KLRG1: variants seen among roughly 807,000 people sequenced by gnomAD.
KLRG1 encodes killer cell lectin like receptor G1.
In KLRG1, 16 loss-of-function variants were observed where a neutral mutation model predicts 21.8. The ratio of observed to expected loss-of-function variants is 0.73; its 90% CI spans 0.50 to 1.11. The LOEUF is 1.11. Ranked by LOEUF, KLRG1 falls within the 50% of genes most tolerant of loss-of-function variation. KLRG1 has a pLI of 0.00. For synonymous variants in KLRG1, 69 were observed against 75.9 expected (o/e 0.91, Z 0.47); for missense variants, 173 against 218.3 (o/e 0.79, Z 1.31).
At chr12:9,029,373 G>T in the KLRG1 span, among the ~76,000 whole-genome samples, 3 of 151,916 alleles carry the variant, frequency 2.0e-5, no homozygotes, top group East Asian at 3.9e-4. Context: ...GTGCCACCAG[G>T]CCTGGCTAAT....
At chr12:8,985,745 C>T (rs2080117), upstream of KLRG1, among the ~76,000 whole-genome samples, 52,723 of 152,020 alleles carry the variant, frequency 0.35, 10,568 homozygotes, top group South Asian at 0.44. Flanking sequence ...TCCATGCCCT[C>T]TCTGGGAAGG....
chr12:9,104,349 T>A, the KLRG1 span: 1 of 1,606,890 alleles, frequency 6.2e-7, no homozygotes, highest in African/African-American at 1.3e-5. Context: ...TTTCCTCTGA[T>A]GAATATGACT....
chr12:9,066,223 CT>C, the KLRG1 span: 1 of 152,374 alleles, frequency 6.6e-6, no homozygotes, highest in African/African-American at 2.4e-5. Context: ...ATGCCCCTTG[CT>C]CCCCACAGGG....
chr12:9,093,679 C>T, the KLRG1 span: 2 of 660,544 alleles, frequency 3.0e-6, no homozygotes, highest in Non-Finnish European at 4.7e-6. Context: ...AAAAACAAAT[C>T]GTCTGATGAA....
At chr12:9,145,341 A>G in the KLRG1 span, among the ~76,000 whole-genome samples, 7 of 151,450 alleles carry the variant, frequency 4.6e-5, no homozygotes, top group Non-Finnish European at 1.0e-4. Context: ...TGTAACTTTT[A>G]TAGACTTTTT....
At chr12:9,181,182 T>C in the KLRG1 span, 2 of 1,611,778 alleles carry the variant, frequency 1.2e-6, no homozygotes, top group East Asian at 2.2e-5. Flanking sequence ...ACTTCTGTGA[T>C]CTTGCAGTCA....
At chr12:9,096,941 T>TG in the KLRG1 span, among the ~76,000 whole-genome samples, 2 of 152,084 alleles carry the variant, frequency 1.3e-5, no homozygotes, top group Admixed American at 1.3e-4. Context: ...GTTGAATGAA[T>TG]GACCTACACT....
the KLRG1 span, chr12:9,076,785 T>G: frequency 1.2e-6 from 2 of 1,613,982 alleles, no homozygotes; most frequent in Non-Finnish European, 1.7e-6. Context: ...ATTAAGTGAC[T>G]TGAGTACTTC....
At chr12:9,189,080 A>G in the KLRG1 span, among the ~76,000 whole-genome samples, 1 of 152,240 alleles carries the variant, frequency 6.6e-6, no homozygotes, top group African/African-American at 2.4e-5. Flanking sequence ...GCCCAAAGCA[A>G]TTTATAGATT....
the KLRG1 span, among the ~76,000 whole-genome samples, chr12:9,087,767 G>T: frequency 3.3e-5 from 5 of 151,814 alleles, no homozygotes; most frequent in African/African-American, 1.2e-4. Flanking sequence ...AATTATAAAT[G>T]GTCAGTTTAC....
chr12:9,125,521 T>C, the KLRG1 span, among the ~76,000 whole-genome samples: 1 of 152,190 alleles, frequency 6.6e-6, no homozygotes, highest in East Asian at 1.9e-4. Context: ...TAATGATATA[T>C]TTTTAATCCA....
chr12:8,962,973 T>C (rs1343783392), intron 1 of KLRG1, among the ~76,000 whole-genome samples: 1 of 152,026 alleles, frequency 6.6e-6, no homozygotes, highest in East Asian at 1.9e-4. Flanking sequence ...AGAAGAAACA[T>C]GAAAAATTAT....
the KLRG1 span, among the ~76,000 whole-genome samples, chr12:9,018,423 A>G: frequency 1.6e-4 from 24 of 152,322 alleles, no homozygotes; most frequent in East Asian, 3.9e-3. Context: ...GGCATTAAAA[A>G]CAGATACATA....
chr12:8,999,725 A>G (rs1402655630), intron 3 of KLRG1, among the ~76,000 whole-genome samples: 1 of 152,160 alleles, frequency 6.6e-6, no homozygotes, highest in Non-Finnish European at 1.5e-5. Flanking sequence ...CAGTTTCCTC[A>G]TGTACAAAGT....
the KLRG1 span, chr12:9,067,657 T>C: frequency 1.4e-6 from 1 of 721,446 alleles, no homozygotes; most frequent in South Asian, 1.5e-5. Flanking sequence ...CTATTGGGAA[T>C]CATATGGAAA....
chr12:9,077,047 G>A, the KLRG1 span: 10 of 933,232 alleles, frequency 1.1e-5, no homozygotes, highest in Admixed American at 5.1e-5. Flanking sequence ...TTTTTCCAAC[G>A]ATTCCTCATT....
Position 9,009,744 on chromosome 12 carries a change from T to C in KLRG1, c.*207T>C. 1 of 1,418,316 alleles carries C rather than the reference T, an allele frequency of 7.1e-7. No individual in the cohort carries two copies. The highest frequency in any genetic ancestry group is 1.6e-5 in the South Asian group (1 of 63,116). The allele number at this position is 1,418,316 out of a possible 1,614,324, so 87.9% of individuals were successfully genotyped here. Reference sequence around the variant, plus strand: ...GACTATTTAGATATTATGTGAGCAATTTAAAGACCAGATCTAAGCAAATTT... The same window carrying C: ...GACTATTTAGATATTATGTGAGCAACTTAAAGACCAGATCTAAGCAAATTT... On this transcript the variant is annotated 3_prime_UTR_variant, in exon 5 of 5. Transcript: ENST00000356986.
At chr12:9,061,415 G>A in the KLRG1 span, among the ~76,000 whole-genome samples, 7 of 152,162 alleles carry the variant, frequency 4.6e-5, no homozygotes, top group East Asian at 1.9e-4. Flanking sequence ...GTCAGCCACC[G>A]CACCTGGCCA....
chr12:9,027,701 A>C, the KLRG1 span: 1 of 1,185,050 alleles, frequency 8.4e-7, no homozygotes, highest in Non-Finnish European at 1.2e-6. Flanking sequence ...TGTAATTGCC[A>C]AAATTCATTG....
Sources: gnomAD v4.1 joint callset for allele counts (sites outside exome capture counted in the v4.1 genomes callset) on GRCh38, gnomAD v4.1.1 for gene constraint, MANE v1.5 for transcripts, NCBI Gene and HGNC (gene_info 2026-07-23, HGNC 2026-07-21) for gene names.